Variants in DDX3X observed in about 807,000 individuals in gnomAD.
The protein encoded by DDX3X is ATP-dependent RNA helicase DDX3X.
In DDX3X, 4 loss-of-function variants were observed where a neutral mutation model predicts 52.7. That is an observed-to-expected ratio of 0.08 (90% CI 0.04 to 0.17). DDX3X has a LOEUF of 0.17. DDX3X is among the 10% of genes least tolerant of loss of function. DDX3X has a pLI of 1.00. For synonymous variants in DDX3X, 192 were observed against 178.1 expected (o/e 1.08, Z -0.62); for missense variants, 222 against 548.6 (o/e 0.40, Z 5.95).
In DDX3X at chrX:41,337,393, C is replaced by T. The variant is rs2063786108; in HGVS notation, c.46-15C>T. On this transcript the variant is annotated splice_polypyrimidine_tract_variant and intron_variant, in intron 1 of 16. Transcript: ENST00000644876. ...TTTGAGCACATGGGGTGCTAACCATCTCACTCTCTTCTAGTTTGCTGGCCT... is the reference window on the plus strand; with the variant it reads ...TTTGAGCACATGGGGTGCTAACCATTTCACTCTCTTCTAGTTTGCTGGCCT... The T allele has an allele frequency of 8.3e-7, 1 of 1,201,698 alleles. No homozygotes were observed.
At chrX:41,334,434 C>T (rs1273822089) in intron 1 of DDX3X, 137 bp downstream of exon 1, 1 of 1,126,844 alleles carries the variant, frequency 8.9e-7, no homozygotes, top group Non-Finnish European at 1.2e-6. Context: ...GTGAGTGCCC[C>T]GGGGCTATAG....
Position 41,346,638 on chromosome X carries a change from C to A in DDX3X, c.1615+16C>A, listed in dbSNP as rs1020581333. 8.8e-7 allele frequency: 1 copy of A among 1,130,619 alleles called. No individual in the cohort carries two copies. Among genetic ancestry groups the A allele is most frequent in the African/African-American group, 1.8e-5 (1 of 55,406 alleles). 93.2% of individuals were successfully genotyped at this position (1,130,619 alleles called of 1,213,427 possible). A position where few individuals can be genotyped will look rare whatever the true frequency, so the allele number is the denominator to read the frequency against. On this transcript the variant is annotated intron_variant, in intron 14 of 16. Coordinates refer to ENST00000644876, the MANE Select transcript of DDX3X (RefSeq NM_001356.5). Reference sequence around the variant, plus strand: ...GGAAACCTTGGTAAGTATTTGATTACTTGATGGTTTCATTGTTTTTTGCTG... The same window carrying A: ...GGAAACCTTGGTAAGTATTTGATTAATTGATGGTTTCATTGTTTTTTGCTG...
intron 10 of DDX3X, 107 bp downstream of exon 10, chrX:41,344,506 C>T (rs373961919): frequency 3.2e-5 from 30 of 928,488 alleles, no homozygotes; most frequent in South Asian, 2.4e-4. Context: ...GGCGCGATCT[C>T]GGCTCACCAC....
rs181111216 is a variant in DDX3X at position 41,341,736 on chromosome X, G to T, written c.284+120G>T. The T allele has an allele frequency of 1.3e-5, 9 of 681,551 alleles. No homozygotes were observed. The African/African-American group carries it at 2.0e-4, about 15-fold the overall frequency. The allele number at this position is 681,551 out of a possible 1,213,427, so 56.2% of individuals were successfully genotyped here. ...GTTTGGTCATTGTATTTTCTTAGCC[G>T]TAAGAGGCTTTTACTAAATTGAACC... On this transcript the variant is annotated intron_variant, in intron 4 of 16. Transcript: ENST00000644876.
downstream of DDX3X, among the ~76,000 whole-genome samples, chrX:41,354,067 C>T (rs181797353): frequency 6.3e-4 from 70 of 111,323 alleles, 1 homozygote; most frequent in East Asian, 0.017. Flanking sequence ...AATGTATTTT[C>T]TAATAAAACT....
In DDX3X at chrX:41,347,396, A is replaced by G; in HGVS notation, c.1854A>G (p.Ala618=). The change falls in exon 16 of 17, where the codon GCA becomes GCG. Residue 618 remains alanine, a synonymous_variant. Transcript: ENST00000644876. Reference sequence around the variant, plus strand: ...GTTCCAGCTTCAGCAGCAGCCGCGCAAGCAGCAGCCGCAGTGGCGGAGGTG... The same window carrying G: ...GTTCCAGCTTCAGCAGCAGCCGCGCGAGCAGCAGCCGCAGTGGCGGAGGTG... ...ASSSSFSSSR[A]SSSRSGGGGH... 1 of 1,211,659 alleles carries G rather than the reference A, an allele frequency of 8.3e-7. No individual in the cohort carries two copies. The highest frequency in any genetic ancestry group is 1.1e-6 in the Non-Finnish European group (1 of 895,255).
upstream of DDX3X, chrX:41,334,058 C>T (rs998756609): frequency 9.2e-6 from 4 of 436,344 alleles, no homozygotes; most frequent in South Asian, 3.7e-5. Flanking sequence ...CAGAAGTCGC[C>T]GCGACAGGGA....
chrX:41,355,532 A>G (rs968859234), intron 5 of DDX3X, among the ~76,000 whole-genome samples: 3 of 110,815 alleles, frequency 2.7e-5, no homozygotes, highest in South Asian at 3.8e-4. Context: ...CAGTGGCCCT[A>G]TCATGGCTCA....
chrX:41,360,302 C>T (rs1160191947), intron 5 of DDX3X, among the ~76,000 whole-genome samples: 3 of 106,998 alleles, frequency 2.8e-5, no homozygotes, highest in African/African-American at 1.0e-4. Context: ...CGCTTGAACC[C>T]GGGAGGCAGA....
intron 1 of DDX3X, chrX:41,336,202 T>A: frequency 8.9e-6 from 1 of 112,365 alleles, no homozygotes; most frequent in Non-Finnish European, 1.9e-5. Flanking sequence ...AGCGGTACTG[T>A]GTGACTTGGT....
chrX:41,353,142 T>C (rs1009597709), downstream of DDX3X, among the ~76,000 whole-genome samples: 3 of 110,326 alleles, frequency 2.7e-5, no homozygotes, highest in Non-Finnish European at 3.8e-5. Flanking sequence ...CTAACTAGAA[T>C]TGGAGCTAAA....
intron 5 of DDX3X, among the ~76,000 whole-genome samples, chrX:41,357,445 C>T (rs2064013801): frequency 9.0e-6 from 1 of 111,051 alleles, no homozygotes; most frequent in Non-Finnish European, 1.9e-5. Context: ...TGAGGAGAAT[C>T]GACATCTTTA....
At chrX:41,335,395 T>TC (rs2063750922) in intron 1 of DDX3X, 1 of 109,240 alleles carries the variant, frequency 9.2e-6, no homozygotes, top group African/African-American at 3.3e-5. Context: ...TTGCAATGGG[T>TC]CCCAGGCCCC....
In DDX3X at chrX:41,348,479, A is replaced by C. The variant is rs150291427; in HGVS notation, c.*760A>C. Reference sequence around the variant, plus strand: ...AGTAAATACAGCAATTCCTCTTTCAACGTTTAGGCAGATCATTAATTATGA... The same window carrying C: ...AGTAAATACAGCAATTCCTCTTTCACCGTTTAGGCAGATCATTAATTATGA... On this transcript the variant is annotated 3_prime_UTR_variant, in exon 17 of 17. Coordinates refer to ENST00000644876, the MANE Select transcript of DDX3X (RefSeq NM_001356.5). 1.8e-5 allele frequency: 2 copies of C among 112,717 alleles called. No individual in the cohort carries two copies. Among genetic ancestry groups the C allele is most frequent in the Non-Finnish European group, 3.8e-5 (2 of 53,317 alleles). The allele number at this position is 112,717 out of a possible 1,213,427, so 9.3% of individuals were successfully genotyped here. A position where few individuals can be genotyped will look rare whatever the true frequency, so the allele number is the denominator to read the frequency against.
chrX:41,364,196 G>GA, intron 5 of DDX3X: 1 of 295,255 alleles, frequency 3.4e-6, no homozygotes, highest in Non-Finnish European at 5.9e-6. Context: ...GTATTAGGTG[G>GA]AAGTCCATGG....
rs745429365 is a variant in DDX3X at position 41,345,328 on chromosome X, C to T, written c.1170+4C>T. The T allele has an allele frequency of 2.4e-5, 29 of 1,205,682 alleles. No homozygotes were observed. The highest frequency in any genetic ancestry group is 2.4e-4 in the South Asian group (13 of 55,281). On this transcript the variant is annotated splice_donor_region_variant and intron_variant, in intron 11 of 16. Coordinates refer to ENST00000644876, the MANE Select transcript of DDX3X (RefSeq NM_001356.5). Reference sequence around the variant, plus strand: ...TACTTTTCCTAAGGAAATACAGGTACTGTTTGATGTTGCAAATTTTATTTA... The same window carrying T: ...TACTTTTCCTAAGGAAATACAGGTATTGTTTGATGTTGCAAATTTTATTTA...
downstream of DDX3X, among the ~76,000 whole-genome samples, chrX:41,352,129 C>CA (rs1226576694): frequency 3.6e-5 from 4 of 111,418 alleles, no homozygotes; most frequent in Admixed American, 3.9e-4. Flanking sequence ...TAAATATATA[C>CA]ATAAAATGAG....
rs747425977 is a variant in DDX3X at position 41,343,400 on chromosome X, C to G, written c.679+49C>G. Reference sequence around the variant, plus strand: ...AACATCATATTTCTTCTGTAAAGGACTAGACAATAAAATATTTTATTTTTT... The same window carrying G: ...AACATCATATTTCTTCTGTAAAGGAGTAGACAATAAAATATTTTATTTTTT... On this transcript the variant is annotated intron_variant, in intron 7 of 16. Transcript: ENST00000644876. 5.4e-6 allele frequency: 6 copies of G among 1,105,910 alleles called. No homozygotes were observed. In the Admixed American group the frequency reaches 1.3e-4, roughly 23 times the overall value. The allele number at this position is 1,105,910 out of a possible 1,213,427, so 91.1% of individuals were successfully genotyped here. A position where few individuals can be genotyped will look rare whatever the true frequency, so the allele number is the denominator to read the frequency against.
chrX:41,336,763 C>G (rs1275203888), intron 1 of DDX3X: 1 of 111,820 alleles, frequency 8.9e-6, no homozygotes, highest in Admixed American at 9.5e-5. Flanking sequence ...TAAAAACAAA[C>G]GAAACAGTCA....
Sources: allele counts gnomAD v4.1 joint callset (sites outside exome capture counted in the v4.1 genomes callset), GRCh38; gene constraint gnomAD v4.1.1; transcripts MANE v1.5; gene names NCBI Gene and HGNC (gene_info 2026-07-23, HGNC 2026-07-21).